The following GPR158 variants were observed in gnomAD, a reference collection of about 807,000 sequenced individuals.
The protein encoded by GPR158 is metabotropic glycine receptor.
In GPR158, 30 loss-of-function variants were observed where a neutral mutation model predicts 78.2. The observed-to-expected ratio is 0.38, with a 90% CI of 0.29 to 0.52. The LOEUF (loss-of-function observed/expected upper bound fraction) is 0.52, where lower values mean the gene tolerates loss of function less well. GPR158 is among the 20% of genes least tolerant of loss of function. The pLI is 0.83. For synonymous variants in GPR158, 581 were observed against 591.1 expected, an observed-to-expected ratio of 0.98 and a Z score of 0.25; for missense variants, 1,463 against 1,523.5, an observed-to-expected ratio of 0.96 and a Z score of 0.66.
At chr10:25,429,325 TAGA>T (rs928629728) in intron 4 of GPR158, among the ~76,000 whole-genome samples, 10 of 152,106 alleles carry the variant, frequency 6.6e-5, no homozygotes, top group Non-Finnish European at 1.3e-4. Context: ...ACTAAAATGC[TAGA>T]AGAAGTTTTA....
chr10:25,228,311 A>C (rs1853401427), intron 2 of GPR158, among the ~76,000 whole-genome samples: 1 of 151,642 alleles, frequency 6.6e-6, no homozygotes, highest in Non-Finnish European at 1.5e-5. Context: ...AGAAAATTCT[A>C]AAATATATAA....
chr10:25,392,548 A>G (rs1448740191), intron 2 of GPR158, among the ~76,000 whole-genome samples: 7 of 152,212 alleles, frequency 4.6e-5, no homozygotes, highest in Non-Finnish European at 4.4e-5. Context: ...ATCAATTTTT[A>G]TCAAAGGCTA....
rs1836093883 is a variant in GPR158, at chr10:25,512,074, G to A, written c.1405-38902G>A. Among the ~76,000 whole-genome samples, 8 of 152,180 alleles carry A rather than the reference G, an allele frequency of 5.3e-5. No homozygotes were observed. In the South Asian group the frequency reaches 1.2e-3, roughly 24 times the overall value. ...TGTTTTTCCTAGTTCTGTGAAGAATGATGGTGGTATTTTGATGAGAATTGT... is the reference window on the plus strand; with the variant it reads ...TGTTTTTCCTAGTTCTGTGAAGAATAATGGTGGTATTTTGATGAGAATTGT... On this transcript the variant is annotated intron_variant, in intron 5 of 10. Coordinates refer to ENST00000376351, the MANE Select transcript of GPR158 (RefSeq NM_020752.3).
intron 4 of GPR158, among the ~76,000 whole-genome samples, chr10:25,434,566 T>C (rs1834971411): frequency 6.6e-6 from 1 of 152,316 alleles, no homozygotes; most frequent in East Asian, 1.9e-4. Context: ...TCATTAATCA[T>C]TTGTTTAGGA....
intron 5 of GPR158, among the ~76,000 whole-genome samples, chr10:25,480,993 C>T (rs1273510271): frequency 2.0e-5 from 3 of 152,078 alleles, no homozygotes; most frequent in Non-Finnish European, 4.4e-5. Flanking sequence ...GAACCTCAAT[C>T]GGGAGAAAAA....
intron 3 of GPR158, among the ~76,000 whole-genome samples, chr10:25,407,486 T>C (rs901961444): frequency 2.6e-5 from 4 of 152,190 alleles, no homozygotes; most frequent in Admixed American, 1.3e-4. Context: ...CTTTTTCACA[T>C]GTGTCAAGAT....
Position 25,176,015 on chromosome 10 carries a change from A to T in GPR158, c.595A>T (p.Ser199Cys), listed in dbSNP as rs1211490404. The T allele has an allele frequency of 1.9e-6, 3 of 1,612,270 alleles. No homozygotes were observed. Among genetic ancestry groups the T allele is most frequent in the South Asian group, 2.2e-5 (2 of 90,926 alleles). ...QVFLQATREE[S>C]RILLQDLSSS... is the part of the protein sequence containing the mutation. ...CTTCCTCCAGGCCACGCGCGAGGAGAGCCGCATCCTGCTCCAAGACCTGTC... is the reference window on the plus strand; with the variant it reads ...CTTCCTCCAGGCCACGCGCGAGGAGTGCCGCATCCTGCTCCAAGACCTGTC... The change falls in exon 1 of 11, where the codon AGC (serine) becomes TGC (cysteine). Residue 199 changes from serine to cysteine, a missense_variant. Ser to Cys is a moderately radical substitution (Grantham distance 112). Coordinates refer to ENST00000376351, the MANE Select transcript of GPR158 (RefSeq NM_020752.3). The surrounding 1 kb of genome is among the most constrained non-coding windows in gnomAD (Gnocchi z 6.3).
intron 5 of GPR158, among the ~76,000 whole-genome samples, chr10:25,512,158 A>G (rs964357277): frequency 4.6e-5 from 7 of 152,166 alleles, no homozygotes; most frequent in African/African-American, 9.7e-5. Context: ...GATTCCACCA[A>G]TCCATGAGCA....
At position 25,200,951 on chromosome 10, in the gene GPR158, C is replaced by G. The variant is rs115295682; in HGVS notation, c.903-20101C>G. Among the ~76,000 whole-genome samples the G allele has an allele frequency of 7.1e-3, 1,034 of 144,830 alleles. 9 individuals are homozygous for G. The highest frequency in any genetic ancestry group is 0.025 in the African/African-American group (985 of 39,716). On this transcript the variant is annotated intron_variant, in intron 1 of 10. Transcript: ENST00000376351. ...TTTGAAGTCAGGTAATGTGATACAT[C>G]CAGCTTTGTTCTTTTTCTTAGGATT...
In GPR158 at chr10:25,281,437, G is replaced by A. The variant is rs190194310; in HGVS notation, c.1008+60280G>A. The stretch of plus-strand genomic sequence containing the variant: ...AAAAAAAAAAAAAAAAAATAGCTGG[G>A]CATGGTGGCACATGACTGTAGTCCC... On this transcript the variant is annotated intron_variant, in intron 2 of 10. Transcript: ENST00000376351. 3.3e-3 allele frequency among the ~76,000 whole-genome samples: 504 copies of A among 150,476 alleles called. 2 individuals are homozygous for A. The highest frequency in any genetic ancestry group is 0.012 in the African/African-American group (494 of 40,994).
At chr10:25,311,534 T>C (rs1290064026) in intron 2 of GPR158, among the ~76,000 whole-genome samples, 1 of 152,058 alleles carries the variant, frequency 6.6e-6, no homozygotes, top group Non-Finnish European at 1.5e-5. Context: ...GATAGTTTAC[T>C]GACTTCATTA....
intron 2 of GPR158, among the ~76,000 whole-genome samples, chr10:25,311,271 A>G (rs1019506087): frequency 6.6e-6 from 1 of 151,878 alleles, no homozygotes; most frequent in African/African-American, 2.4e-5. Context: ...GGAAAATGAC[A>G]CCTTTATGAC....
intron 2 of GPR158, among the ~76,000 whole-genome samples, chr10:25,373,635 G>C (rs530850034): frequency 6.6e-6 from 1 of 151,638 alleles, no homozygotes; most frequent in Non-Finnish European, 1.5e-5. Flanking sequence ...ATTATCATTT[G>C]GTTCAAAATG....
chr10:25,332,114 T>TG (rs202157807), intron 2 of GPR158, among the ~76,000 whole-genome samples: 8,440 of 150,320 alleles, frequency 0.056, 712 homozygotes, highest in African/African-American at 0.19. Flanking sequence ...AGAAATCACC[T>TG]GGGGGGGGGC....
At chr10:25,208,267 C>T (rs1459468979) in intron 1 of GPR158, among the ~76,000 whole-genome samples, 1 of 151,910 alleles carries the variant, frequency 6.6e-6, no homozygotes, top group Admixed American at 6.6e-5. Flanking sequence ...TTGTTTTTTC[C>T]TGATTTTACT....
At position 25,241,176 on chromosome 10, in the gene GPR158, TCTTTCTTTCTTTC is replaced by T. The variant is rs1178012862; in HGVS notation, c.1008+20042_1008+20054del. Among the ~76,000 whole-genome samples, 34 of 96,440 alleles carry T rather than the reference TCTTTCTTTCTTTC, an allele frequency of 3.5e-4. No individual in the cohort carries two copies. The East Asian group carries it at 3.7e-3, about 11-fold the overall frequency. The allele number at this position is 96,440 out of a possible 152,430, so 63.3% of individuals were successfully genotyped here. ...TTCTTTCTTTCTTTCTTTCTTTCTTTCTTTCTTTCTTTCCTTTCTTTCTTTCCTTTCTTTCCTT... is the reference window on the plus strand; with the variant it reads ...TTCTTTCTTTCTTTCTTTCTTTCTTTCTTTCTTTCTTTCCTTTCTTTCCTT... On this transcript the variant is annotated intron_variant, in intron 2 of 10. Transcript: ENST00000376351.
chr10:25,268,230 G>A (rs1427595788), intron 2 of GPR158, among the ~76,000 whole-genome samples: 1 of 152,016 alleles, frequency 6.6e-6, no homozygotes, highest in Non-Finnish European at 1.5e-5. Flanking sequence ...TAGGATGAGG[G>A]GTAAACTGTT....
intron 2 of GPR158, among the ~76,000 whole-genome samples, chr10:25,317,130 C>T (rs111772297): frequency 0.051 from 7,666 of 151,752 alleles, 226 homozygotes; most frequent in African/African-American, 0.079. Context: ...CTGCAACCTC[C>T]ACCTCCTGGG....
intron 2 of GPR158, among the ~76,000 whole-genome samples, chr10:25,304,759 G>A (rs1260400655): frequency 3.3e-5 from 5 of 152,106 alleles, no homozygotes; most frequent in African/African-American, 1.2e-4. Flanking sequence ...GTATCACAGT[G>A]AATTGTAGAG....
Sources: gnomAD v4.1 joint callset for allele counts (sites outside exome capture counted in the v4.1 genomes callset) on GRCh38, gnomAD v4.1.1 for gene constraint, Gnocchi (gnomAD v3.1) non-coding constraint, MANE v1.5 for transcripts, NCBI Gene and HGNC (gene_info 2026-07-23, HGNC 2026-07-21) for gene names.